Variants in RABGAP1L observed in about 807,000 individuals in gnomAD.
The protein encoded by RABGAP1L is RAB GTPase activating protein 1 like.
In RABGAP1L, 63 loss-of-function variants were observed where a neutral mutation model predicts 137.7. The observed-to-expected ratio is 0.46, with a 90% CI of 0.37 to 0.56. The LOEUF (loss-of-function observed/expected upper bound fraction) is 0.56. Among genes scored for constraint, RABGAP1L ranks in the 20% least tolerant of loss-of-function variants. The pLI is 0.00. For synonymous variants in RABGAP1L, 431 were observed against 433.7 expected, an observed-to-expected ratio of 0.99 and a Z score of 0.08; for missense variants, 1,095 against 1,244.0, an observed-to-expected ratio of 0.88 and a Z score of 1.80.
At position 174,394,152 on chromosome 1, in the gene RABGAP1L, AGAAG is replaced by A. The variant is rs767824284; in HGVS notation, c.1710+8_1710+11del. Reference sequence around the variant, plus strand: ...CCGAATTCTTATCACAAAGGTAGGAAGAAGTTCTTTTCATATTATTTTCATTGGA... The same window carrying A: ...CCGAATTCTTATCACAAAGGTAGGAATTCTTTTCATATTATTTTCATTGGA... On this transcript the variant is annotated splice_region_variant and intron_variant, in intron 13 of 25. Transcript: ENST00000681986. 2.9e-5 allele frequency: 46 copies of A among 1,609,628 alleles called. No individual in the cohort carries two copies. In the Middle Eastern group the frequency reaches 5.0e-4, roughly 17 times the overall value.
Position 174,616,886 on chromosome 1 carries a change from C to T in RABGAP1L, c.1711-20489C>T, listed in dbSNP as rs145410639. On this transcript the variant is annotated intron_variant, in intron 13 of 25. Coordinates refer to ENST00000681986, the MANE Select transcript of RABGAP1L (RefSeq NM_001366446.1). ...CTGGAGGTACTATGTTCTGAAAAAG[C>T]ATCTCACGTGATTCTTATAATTAGT... 6.0e-4 allele frequency among the ~76,000 whole-genome samples: 92 copies of T among 152,308 alleles called. 2 individuals carry two copies. The highest frequency in any genetic ancestry group is 2.1e-3 in the African/African-American group (87 of 41,568).
intron 11 of RABGAP1L, among the ~76,000 whole-genome samples, chr1:174,347,418 CATT>C (rs922003565): frequency 2.0e-5 from 3 of 150,228 alleles, no homozygotes; most frequent in South Asian, 2.1e-4. Flanking sequence ...TATTTACAAT[CATT>C]ATATTCTGTT....
In RABGAP1L at chr1:174,383,397, C is replaced by T. The variant is rs568271996; in HGVS notation, c.1560-10598C>T. Among the ~76,000 whole-genome samples, 23 of 151,498 alleles carry T rather than the reference C, an allele frequency of 1.5e-4. 1 individual carries two copies. Among genetic ancestry groups the T allele is most frequent in the South Asian group, 1.2e-3 (6 of 4,814 alleles). ...GGCGCCCCTCCCCCAGCCTCACTGC[C>T]GCCTTGCAGTTTGATCTCAGACTGC... On this transcript the variant is annotated intron_variant, in intron 12 of 25. Transcript: ENST00000681986.
Position 174,306,614 on chromosome 1 carries a change from T to C in RABGAP1L, c.1465+1487T>C, listed in dbSNP as rs143441057. Among the ~76,000 whole-genome samples the C allele has an allele frequency of 3.8e-3, 580 of 152,312 alleles. 13 individuals are homozygous for C. The highest frequency in any genetic ancestry group is 0.032 in the Admixed American group (491 of 15,296). On this transcript the variant is annotated intron_variant, in intron 11 of 25. Transcript: ENST00000681986. ...AATGATCTCCTGTGACTTTAGAATT[T>C]TCATGATTGTTACGTCATGTCCTGT... is the stretch of plus-strand genomic sequence containing the variant.
chr1:174,850,070 G>T, intron 19 of RABGAP1L: 1 of 538,628 alleles, frequency 1.9e-6, no homozygotes, highest in Middle Eastern at 6.2e-4. Flanking sequence ...TGGTAGAGGG[G>T]TGTCTGGGAT....
intron 13 of RABGAP1L, among the ~76,000 whole-genome samples, chr1:174,561,302 G>A (rs941761894): frequency 6.6e-6 from 1 of 152,098 alleles, no homozygotes; most frequent in Admixed American, 6.6e-5. Flanking sequence ...AAACTTACAG[G>A]GATGTGAAGG....
intron 14 of RABGAP1L, among the ~76,000 whole-genome samples, chr1:174,669,956 A>G (rs1677057002): frequency 6.6e-6 from 1 of 152,168 alleles, no homozygotes; most frequent in South Asian, 2.1e-4. Context: ...TGTTTTGGCT[A>G]TTCAAGGTCT....
intron 14 of RABGAP1L, among the ~76,000 whole-genome samples, chr1:174,679,224 C>CA (rs1329181819): frequency 6.6e-6 from 1 of 152,150 alleles, no homozygotes; most frequent in African/African-American, 2.4e-5. Flanking sequence ...GTCGGGTGTG[C>CA]GGGTGTGAGC....
chr1:174,752,247 T>G, intron 17 of RABGAP1L, 66 bp from the exon 18 acceptor site: 1 of 1,148,652 alleles, frequency 8.7e-7, no homozygotes, highest in Non-Finnish European at 1.3e-6. Flanking sequence ...TGTGGAAGTC[T>G]TGGGGAAATA....
intron 15 of RABGAP1L, among the ~76,000 whole-genome samples, chr1:174,690,200 T>C (rs1479855132): frequency 6.6e-6 from 1 of 152,248 alleles, no homozygotes; most frequent in Admixed American, 6.5e-5. Flanking sequence ...TGTGGTTTAA[T>C]ACCTTTCAAG....
intron 19 of RABGAP1L, among the ~76,000 whole-genome samples, chr1:174,859,266 G>A (rs892441304): frequency 6.6e-6 from 1 of 152,124 alleles, no homozygotes; most frequent in South Asian, 2.1e-4. Flanking sequence ...TGGATCATGA[G>A]GTCAGGAGAT....
At chr1:174,719,735 C>T (rs1681337060) in intron 17 of RABGAP1L, among the ~76,000 whole-genome samples, 1 of 152,062 alleles carries the variant, frequency 6.6e-6, no homozygotes, top group East Asian at 1.9e-4. Context: ...AAAGCTGAGG[C>T]CAAATAGAGT....
chr1:174,821,550 G>A (rs544006999), intron 19 of RABGAP1L, among the ~76,000 whole-genome samples: 7 of 151,922 alleles, frequency 4.6e-5, no homozygotes, highest in East Asian at 1.9e-4. Flanking sequence ...TTTTTTCTCC[G>A]AAGACCTCCA....
At chr1:174,702,321 G>A (rs7543694) in intron 17 of RABGAP1L, 65 bp downstream of exon 17, 2 of 1,381,672 alleles carry the variant, frequency 1.4e-6, no homozygotes, top group Non-Finnish European at 9.7e-7. Flanking sequence ...AATGGTTACA[G>A]TTTTCTTCCT....
At chr1:174,712,199 G>A (rs1680589545) in intron 17 of RABGAP1L, among the ~76,000 whole-genome samples, 1 of 152,170 alleles carries the variant, frequency 6.6e-6, no homozygotes, top group Non-Finnish European at 1.5e-5. Context: ...GATGTGGGTG[G>A]GGCCAGATAA....
intron 19 of RABGAP1L, among the ~76,000 whole-genome samples, chr1:174,894,145 A>G: frequency 6.6e-6 from 1 of 152,236 alleles, no homozygotes; most frequent in Middle Eastern, 3.2e-3. Context: ...ACAATACCTG[A>G]TAAATGCTAG....
chr1:174,265,106 G>A (rs985471260), intron 7 of RABGAP1L, among the ~76,000 whole-genome samples: 1 of 152,152 alleles, frequency 6.6e-6, no homozygotes, highest in African/African-American at 2.4e-5. Context: ...CTGTACAGGG[G>A]AAGATATTCC....
chr1:174,368,840 A>G (rs1490402853), intron 11 of RABGAP1L, among the ~76,000 whole-genome samples: 1 of 152,180 alleles, frequency 6.6e-6, no homozygotes, highest in East Asian at 1.9e-4. Flanking sequence ...TCCTTTCCCT[A>G]CAAGAGTATT....
chr1:174,742,833 A>G (rs1683555729), intron 17 of RABGAP1L, among the ~76,000 whole-genome samples: 1 of 152,202 alleles, frequency 6.6e-6, no homozygotes, highest in Non-Finnish European at 1.5e-5. Context: ...TAGGGACTTT[A>G]TAGCAATACT....
Sources: gnomAD v4.1 joint callset for allele counts (sites outside exome capture counted in the v4.1 genomes callset) on GRCh38, gnomAD v4.1.1 for gene constraint, MANE v1.5 for transcripts, NCBI Gene and HGNC (gene_info 2026-07-23, HGNC 2026-07-21) for gene names.